KIF26B: variants seen among roughly 807,000 people sequenced by gnomAD.
KIF26B encodes kinesin family member 26B.
Under a neutral mutation model 151.2 loss-of-function variants are expected in KIF26B, and 63 were observed. The observed-to-expected ratio is 0.42, with a 90% confidence interval of 0.34 to 0.51. The LOEUF (loss-of-function observed/expected upper bound fraction) is 0.51, where lower values mean the gene tolerates loss of function less well. Among genes scored for constraint, KIF26B ranks in the 20% least tolerant of loss-of-function variants. The probability of loss-of-function intolerance (pLI) is 0.07; values close to 1 mark genes in which losing one functional copy is unlikely to be tolerated. For missense variants in KIF26B, 2,813 were observed against 2,913.6 expected (o/e 0.97, Z 0.79); for synonymous variants, 1,357 against 1,262.1 (o/e 1.08, Z -1.59).
At position 245,663,404 on chromosome 1, in the gene KIF26B, ATTTC is replaced by A. The variant is rs2044179530; in HGVS notation, c.2258+17128_2258+17131del. ...CATTTGTGATCATTTTTTTTTGTTT[ATTTC>A]TTTAAACAGTTTAATTGTCTCTAAC... is the stretch of plus-strand genomic sequence containing the variant. On this transcript the variant is annotated intron_variant, in intron 10 of 14. Coordinates refer to ENST00000407071, the MANE Select transcript of KIF26B (RefSeq NM_018012.4). 1.2e-4 allele frequency among the ~76,000 whole-genome samples: 18 copies of A among 150,034 alleles called. 1 individual carries two copies. The highest frequency in any genetic ancestry group is 7.8e-4 in the East Asian group (4 of 5,098).
Position 245,516,742 on chromosome 1 carries a change from T to G in KIF26B, c.1167-24025T>G, listed in dbSNP as rs1660976832. The stretch of plus-strand genomic sequence containing the variant: ...GCCACAAATCTGAGATGTCAGCTCA[T>G]AAATCTGTAAGCTCCTTGCTTAAGT... On this transcript the variant is annotated intron_variant, in intron 4 of 14. Coordinates refer to ENST00000407071, the MANE Select transcript of KIF26B (RefSeq NM_018012.4). This position sits in a 1 kb window ranked among gnomAD's most constrained non-coding sequence, Gnocchi z 4.2. Among the ~76,000 whole-genome samples, 1 of 152,230 alleles carries G rather than the reference T, an allele frequency of 6.6e-6. No individual in the cohort carries two copies. Among genetic ancestry groups the G allele is most frequent in the Non-Finnish European group, 1.5e-5 (1 of 68,046 alleles).
chr1:245,609,132 C>CT, intron 7 of KIF26B, 134 bp from the exon 8 acceptor site: 1 of 796,280 alleles, frequency 1.3e-6, no homozygotes, highest in Non-Finnish European at 1.9e-6. Context: ...TTTCTCTCAT[C>CT]TTTTTGTTCC....
At position 245,244,791 on chromosome 1, in the gene KIF26B, C is replaced by CACACACACAT. The variant is rs1363032461; in HGVS notation, c.465+88109_465+88110insCACACACATA. Among the ~76,000 whole-genome samples the CACACACACAT allele has an allele frequency of 6.6e-6, 1 of 150,756 alleles. No homozygotes were observed. The highest frequency in any genetic ancestry group is 1.5e-5 in the Non-Finnish European group (1 of 67,866). On this transcript the variant is annotated intron_variant, in intron 2 of 14. Coordinates refer to ENST00000407071, the MANE Select transcript of KIF26B (RefSeq NM_018012.4). This position sits in a 1 kb window ranked among gnomAD's most constrained non-coding sequence, Gnocchi z 4.2. The stretch of plus-strand genomic sequence containing the variant: ...ACACACACACACACACACACACACA[C>CACACACACAT]AGAACTGCTTTGGACTTGGATACTT...
intron 4 of KIF26B, among the ~76,000 whole-genome samples, chr1:245,527,658 C>A (rs911107127): frequency 6.7e-6 from 1 of 150,092 alleles, no homozygotes; most frequent in African/African-American, 2.5e-5. Context: ...CTCAGCCTCC[C>A]GAGTAGCTGG....
intron 2 of KIF26B, among the ~76,000 whole-genome samples, chr1:245,279,255 A>T (rs539973996): frequency 4.0e-5 from 6 of 148,752 alleles, no homozygotes; most frequent in Non-Finnish European, 7.4e-5. Flanking sequence ...AGGCACTCAC[A>T]CTCATCAGCA....
intron 3 of KIF26B, among the ~76,000 whole-genome samples, chr1:245,385,459 T>G (rs1441276481): frequency 1.3e-5 from 2 of 152,240 alleles, no homozygotes; most frequent in African/African-American, 4.8e-5. Context: ...CACATCATGC[T>G]TAGAACCAGG....
chr1:245,415,456 G>A (rs1168693958), intron 3 of KIF26B, among the ~76,000 whole-genome samples: 1 of 152,132 alleles, frequency 6.6e-6, no homozygotes, highest in African/African-American at 2.4e-5. Context: ...TGGCAAGCAA[G>A]ATGGCACCTT....
intron 4 of KIF26B, among the ~76,000 whole-genome samples, chr1:245,455,439 G>A (rs1314486332): frequency 1.3e-5 from 2 of 152,050 alleles, no homozygotes; most frequent in Non-Finnish European, 2.9e-5. Flanking sequence ...GGGAGGCGGA[G>A]GTTGCAGTGA....
intron 4 of KIF26B, among the ~76,000 whole-genome samples, chr1:245,429,546 A>G (rs1265659833): frequency 3.3e-5 from 5 of 152,178 alleles, no homozygotes. Context: ...AAGTAGCTGC[A>G]TTTTAGCAGA....
In KIF26B at chr1:245,462,846, G is replaced by GTGAA. The variant is rs57966712; in HGVS notation, c.1166+43135_1166+43138dup. Among the ~76,000 whole-genome samples, 335 of 150,786 alleles carry GTGAA rather than the reference G, an allele frequency of 2.2e-3. 1 individual carries two copies. The highest frequency in any genetic ancestry group is 6.7e-3 in the African/African-American group (273 of 41,000). ...AACAACCTCCTGTGAAGAAATCAGTGTGAATGAATGAATGAATGAATGAAT... is the reference window on the plus strand; with the variant it reads ...AACAACCTCCTGTGAAGAAATCAGTGTGAATGAATGAATGAATGAATGAATGAAT... On this transcript the variant is annotated intron_variant, in intron 4 of 14. Coordinates refer to ENST00000407071, the MANE Select transcript of KIF26B (RefSeq NM_018012.4).
At position 245,691,313 on chromosome 1, in the gene KIF26B, C is replaced by A. The variant is rs371425568; in HGVS notation, c.5824+2506C>A. Among the ~76,000 whole-genome samples, 11 of 152,366 alleles carry A rather than the reference C, an allele frequency of 7.2e-5. No individual in the cohort carries two copies. The East Asian group carries it at 1.9e-3, about 27-fold the overall frequency. The stretch of plus-strand genomic sequence containing the variant: ...TCTGGGCTAAGTGCTCTCGTAAATG[C>A]TGTCCTCTAGGAGCCTCTGGTTAGG... On this transcript the variant is annotated intron_variant, in intron 12 of 14. Transcript: ENST00000407071.
At chr1:245,431,494 G>A (rs541594968) in intron 4 of KIF26B, among the ~76,000 whole-genome samples, 13 of 152,204 alleles carry the variant, frequency 8.5e-5, no homozygotes, top group East Asian at 1.9e-4. Context: ...ACAGGCATCC[G>A]CCACCATGCC....
At chr1:245,172,166 G>A (rs1292448982) in intron 2 of KIF26B, among the ~76,000 whole-genome samples, 1 of 152,118 alleles carries the variant, frequency 6.6e-6, no homozygotes, top group East Asian at 1.9e-4. Context: ...TGGTGGGGAT[G>A]TAAAGATGAC....
intron 3 of KIF26B, among the ~76,000 whole-genome samples, chr1:245,400,488 GTTTTTTTTT>G (rs11407193): frequency 3.2e-5 from 4 of 123,864 alleles, no homozygotes; most frequent in Admixed American, 3.1e-4. Flanking sequence ...TAGATAGTGA[GTTTTTTTTT>G]TTTTTTTTTG....
intron 4 of KIF26B, among the ~76,000 whole-genome samples, chr1:245,424,862 C>T (rs1658582081): frequency 6.6e-6 from 1 of 152,186 alleles, no homozygotes; most frequent in South Asian, 2.1e-4. Flanking sequence ...TTTTCTTCCT[C>T]TCACGATTGT....
At chr1:245,556,126 T>C (rs1356713354) in intron 5 of KIF26B, among the ~76,000 whole-genome samples, 1 of 152,204 alleles carries the variant, frequency 6.6e-6, no homozygotes, top group African/African-American at 2.4e-5. Flanking sequence ...CAATGCTGGC[T>C]ATGCTGGCTA....
chr1:245,178,748 G>C (rs561076380), intron 2 of KIF26B, among the ~76,000 whole-genome samples: 3 of 152,226 alleles, frequency 2.0e-5, no homozygotes, highest in Admixed American at 6.5e-5. Context: ...GACTGCCCGT[G>C]TCAAGCCTGG....
At chr1:245,654,422 C>T (rs2044052433) in intron 10 of KIF26B, among the ~76,000 whole-genome samples, 1 of 152,146 alleles carries the variant, frequency 6.6e-6, no homozygotes, top group Non-Finnish European at 1.5e-5. Context: ...ATCCTAACCT[C>T]AGTAAATGGC....
intron 2 of KIF26B, among the ~76,000 whole-genome samples, chr1:245,222,823 G>A (rs1368376210): frequency 6.6e-6 from 1 of 152,038 alleles, no homozygotes; most frequent in African/African-American, 2.4e-5. Context: ...ATAATATTAA[G>A]TGCAAAAAAC....
Sources: gnomAD v4.1 joint callset for allele counts (sites outside exome capture counted in the v4.1 genomes callset) on GRCh38, gnomAD v4.1.1 for gene constraint, Gnocchi (gnomAD v3.1) non-coding constraint, MANE v1.5 for transcripts, NCBI Gene and HGNC (gene_info 2026-07-23, HGNC 2026-07-21) for gene names.